Variants in MYLK4 observed in about 807,000 individuals in gnomAD.
The protein encoded by MYLK4 is caMLCK like.
MYLK4 carries 46 observed loss-of-function variants against 48.1 expected under a neutral mutation model. The ratio of observed to expected loss-of-function variants is 0.96; its 90% CI spans 0.75 to 1.22. The LOEUF is 1.22. Among genes scored for constraint, MYLK4 ranks in the 50% most tolerant of loss-of-function variants. The probability of loss-of-function intolerance (pLI) is 0.00; values close to 1 mark genes in which losing one functional copy is unlikely to be tolerated. For missense variants in MYLK4, 451 were observed against 486.1 expected (o/e 0.93, Z 0.68); for synonymous variants, 170 against 180.8 (o/e 0.94, Z 0.48).
intron 2 of MYLK4, among the ~76,000 whole-genome samples, chr6:2,704,030 T>A (rs962759962): frequency 2.0e-5 from 3 of 152,198 alleles, no homozygotes; most frequent in Non-Finnish European, 4.4e-5. Flanking sequence ...TGGCCACACA[T>A]CTTCGTGGAT....
chr6:2,748,621 C>G (rs927983191), intron 2 of MYLK4, among the ~76,000 whole-genome samples: 3 of 152,174 alleles, frequency 2.0e-5, no homozygotes, highest in African/African-American at 7.2e-5. Context: ...ATATTTTTCC[C>G]AAGAACGAGC....
chr6:2,680,320 T>C, intron 7 of MYLK4, 29 bp from the exon 8 acceptor site: 3 of 1,612,904 alleles, frequency 1.9e-6, no homozygotes, highest in Non-Finnish European at 2.5e-6. Context: ...ACATTAGCAA[T>C]GAAAACAACC....
intron 2 of MYLK4, among the ~76,000 whole-genome samples, chr6:2,707,530 C>A (rs1004599032): frequency 6.6e-6 from 1 of 152,170 alleles, no homozygotes; most frequent in Non-Finnish European, 1.5e-5. Flanking sequence ...TTCACCCCCA[C>A]AAAATTAATC....
chr6:2,766,149 G>GGGACGC, the MYLK4 span: 62 of 1,328,432 alleles, frequency 4.7e-5, no homozygotes, highest in African/African-American at 1.5e-4. Context: ...GATGGCGACG[G>GGGACGC]GGACGCGGAC....
the MYLK4 span, chr6:2,765,752 C>T: frequency 4.0e-6 from 6 of 1,498,234 alleles, no homozygotes; most frequent in Non-Finnish European, 5.3e-6. Context: ...GCTGCTCCAC[C>T]CGGCGGGGCA....
intron 2 of MYLK4, among the ~76,000 whole-genome samples, chr6:2,712,597 T>G (rs965796306): frequency 2.0e-5 from 3 of 152,146 alleles, no homozygotes; most frequent in Non-Finnish European, 4.4e-5. Context: ...CTTCTAAACT[T>G]AAGCTAAGCA....
chr6:2,761,667 T>C, the MYLK4 span, among the ~76,000 whole-genome samples: 4 of 152,106 alleles, frequency 2.6e-5, no homozygotes, highest in African/African-American at 9.7e-5. Context: ...GTGTGAGAAG[T>C]TATGTAGCTT....
chr6:2,767,088 A>G, the MYLK4 span, among the ~76,000 whole-genome samples: 1 of 152,294 alleles, frequency 6.6e-6, no homozygotes, highest in East Asian at 1.9e-4. Context: ...TTTTCTCATA[A>G]TGCCTTGTAC....
intron 4 of MYLK4, among the ~76,000 whole-genome samples, chr6:2,687,799 G>A (rs1761616367): frequency 6.6e-6 from 1 of 152,180 alleles, no homozygotes; most frequent in East Asian, 1.9e-4. Flanking sequence ...ACTTGCAGAC[G>A]CCTGAACTGC....
intron 2 of MYLK4, among the ~76,000 whole-genome samples, chr6:2,711,790 T>C (rs1386139556): frequency 1.3e-5 from 2 of 152,136 alleles, no homozygotes; most frequent in Non-Finnish European, 2.9e-5. Flanking sequence ...TAAAGTTGGG[T>C]ATCTTTTTTT....
rs765187892 is a variant in MYLK4, at chr6:2,679,262, CAG to C, written c.887+16_887+17del. On this transcript the variant is annotated intron_variant, in intron 9 of 12. Transcript: ENST00000274643. ...CATGGAGTTGGAGAAGGGTCAGAGACAGAGGAGAGCTACTCACAGCATATAGG... is the reference window on the plus strand; with the variant it reads ...CATGGAGTTGGAGAAGGGTCAGAGACAGGAGAGCTACTCACAGCATATAGG... The C allele has an allele frequency of 5.0e-6, 8 of 1,613,766 alleles. No homozygotes were observed. Among genetic ancestry groups the C allele is most frequent in the Non-Finnish European group, 6.8e-6 (8 of 1,179,940 alleles).
intron 7 of MYLK4, among the ~76,000 whole-genome samples, chr6:2,681,588 T>C (rs1003049548): frequency 3.9e-5 from 6 of 152,328 alleles, no homozygotes; most frequent in Admixed American, 3.9e-4. Flanking sequence ...TAAACAATGT[T>C]CATTGGATAA....
chr6:2,746,551 T>A lies in MYLK4; in HGVS notation c.159+2585A>T, dbSNP rs145085372. On this transcript the variant is annotated intron_variant, in intron 2 of 12. Transcript: ENST00000274643. ...TTCTTCCCCTATTGGGACTGGAGAG[T>A]AGTTCCAGACTCTAAAGAAACTGCA... Among the ~76,000 whole-genome samples the A allele has an allele frequency of 4.6e-3, 706 of 152,316 alleles. 8 individuals carry two copies. The highest frequency in any genetic ancestry group is 0.016 in the African/African-American group (673 of 41,568).
At chr6:2,695,541 C>G (rs960918113) in intron 2 of MYLK4, among the ~76,000 whole-genome samples, 1 of 152,104 alleles carries the variant, frequency 6.6e-6, no homozygotes, top group Non-Finnish European at 1.5e-5. Flanking sequence ...AGAGAGGTTG[C>G]TTTTTTCTTT....
chr6:2,721,158 C>A (rs1220505298), intron 2 of MYLK4, among the ~76,000 whole-genome samples: 1 of 152,032 alleles, frequency 6.6e-6, no homozygotes, highest in Admixed American at 6.6e-5. Flanking sequence ...AAGACTCTGT[C>A]TCAAAAATAA....
chr6:2,677,639 A>G lies in MYLK4; in HGVS notation c.1040+581T>C, dbSNP rs149345959. Among the ~76,000 whole-genome samples the G allele has an allele frequency of 6.7e-3, 1,014 of 152,326 alleles. 10 individuals are homozygous for G. Among genetic ancestry groups the G allele is most frequent in the Non-Finnish European group, 0.011 (715 of 68,018 alleles). ...TTAGCATAACAGAAAATAGAGGGCC[A>G]TGTAATAAATAACAGCCAAGTGTGC... is the stretch of plus-strand genomic sequence containing the variant. On this transcript the variant is annotated intron_variant, in intron 10 of 12. Coordinates refer to ENST00000274643, the MANE Select transcript of MYLK4 (RefSeq NM_001012418.5).
the MYLK4 span, among the ~76,000 whole-genome samples, chr6:2,762,596 C>G: frequency 6.6e-6 from 1 of 152,210 alleles, no homozygotes; most frequent in African/African-American, 2.4e-5. Flanking sequence ...AGCCCTAAAA[C>G]TTGTTTTGCA....
chr6:2,678,540 C>T (rs777241783), intron 9 of MYLK4, among the ~76,000 whole-genome samples, 168 bp from the exon 10 acceptor site: 10 of 152,078 alleles, frequency 6.6e-5, no homozygotes, highest in Non-Finnish European at 1.2e-4. Context: ...CTTGCCGCCC[C>T]CACCCAACTC....
chr6:2,683,373 A>G (rs1761392941), intron 6 of MYLK4, among the ~76,000 whole-genome samples: 1 of 145,876 alleles, frequency 6.9e-6, no homozygotes, highest in Non-Finnish European at 1.5e-5. Flanking sequence ...GAAATCCTCA[A>G]GCCAACTCCC....
Sources: allele counts gnomAD v4.1 joint callset (sites outside exome capture counted in the v4.1 genomes callset), GRCh38; gene constraint gnomAD v4.1.1; transcripts MANE v1.5; gene names NCBI Gene and HGNC (gene_info 2026-07-23, HGNC 2026-07-21).